Variants in PARP14 observed in about 807,000 individuals in gnomAD.
The protein encoded by PARP14 is poly(ADP-ribose) polymerase family member 14.
In PARP14, 59 loss-of-function variants were observed where a neutral mutation model predicts 154.2. The ratio of observed to expected loss-of-function variants is 0.38; its 90% confidence interval spans 0.31 to 0.48. The LOEUF (loss-of-function observed/expected upper bound fraction) is 0.48, where lower values mean the gene tolerates loss of function less well. Among genes scored for constraint, PARP14 ranks in the 20% least tolerant of loss-of-function variants. The probability of loss-of-function intolerance (pLI) is 0.98; values close to 1 mark genes in which losing one functional copy is unlikely to be tolerated. For missense variants in PARP14, 1,734 were observed against 2,131.6 expected, an observed-to-expected ratio of 0.81 and a Z score of 3.67; for synonymous variants, 720 against 780.5, an observed-to-expected ratio of 0.92 and a Z score of 1.29.
chr3:122,683,382 T>G (rs1290322515), intron 1 of PARP14: 5 of 510,216 alleles, frequency 9.8e-6, no homozygotes, highest in African/African-American at 6.2e-5. Flanking sequence ...CCACCAGCAC[T>G]TCTCCGTATT....
intron 12 of PARP14, among the ~76,000 whole-genome samples, chr3:122,717,527 T>C (rs996520156): frequency 2.0e-5 from 3 of 152,176 alleles, no homozygotes; most frequent in Admixed American, 6.5e-5. Flanking sequence ...TTATAGATTA[T>C]AACAAATAGC....
intron 8 of PARP14, among the ~76,000 whole-genome samples, chr3:122,706,570 T>A (rs1465136272): frequency 6.6e-6 from 1 of 152,190 alleles, no homozygotes; most frequent in Non-Finnish European, 1.5e-5. Flanking sequence ...AAGTTTTCCA[T>A]GGCTGAGTGG....
At chr3:122,685,356 T>G (rs956522553) in intron 2 of PARP14, 38 bp downstream of exon 2, 3 of 1,594,064 alleles carry the variant, frequency 1.9e-6, no homozygotes, top group Non-Finnish European at 2.6e-6. Context: ...GGGATTTAGG[T>G]CTCCCAAGGT....
intron 6 of PARP14, among the ~76,000 whole-genome samples, chr3:122,702,479 CA>C (rs1939009684): frequency 6.6e-6 from 1 of 152,214 alleles, no homozygotes; most frequent in Admixed American, 6.5e-5. Flanking sequence ...TTCAGCCTCC[CA>C]AAGTGCTGGG....
At chr3:122,697,315 G>A (rs1195649520) in intron 5 of PARP14, among the ~76,000 whole-genome samples, 1 of 152,206 alleles carries the variant, frequency 6.6e-6, no homozygotes, top group African/African-American at 2.4e-5. Flanking sequence ...ATTACCAAGT[G>A]CATTCAGACA....
At chr3:122,712,887 G>A (rs1362013116) in intron 9 of PARP14, among the ~76,000 whole-genome samples, 3 of 152,128 alleles carry the variant, frequency 2.0e-5, no homozygotes, top group Non-Finnish European at 2.9e-5. Flanking sequence ...TATCCTTAAG[G>A]GTTGATCAAA....
In PARP14 at chr3:122,681,169, C is replaced by A. The variant is rs1938193171; in HGVS notation, c.187+99C>A. ...CACGGGAGGGTGACCCGCCCGACTT[C>A]GGCGGCTGCTGTAGCGGAGGTGGCC... On this transcript the variant is annotated intron_variant, in intron 1 of 16. Coordinates refer to ENST00000474629, the MANE Select transcript of PARP14 (RefSeq NM_017554.3). This position sits in a 1 kb window ranked among gnomAD's most constrained non-coding sequence, Gnocchi z 5.5. 1 of 284,788 alleles carries A rather than the reference C, an allele frequency of 3.5e-6. No individual in the cohort carries two copies. The highest frequency in any genetic ancestry group is 6.2e-6 in the Non-Finnish European group (1 of 160,956). The allele number at this position is 284,788 out of a possible 1,614,324, so 17.6% of individuals were successfully genotyped here.
chr3:122,712,938 G>A (rs1294647796), intron 9 of PARP14, among the ~76,000 whole-genome samples: 1 of 152,164 alleles, frequency 6.6e-6, no homozygotes, highest in African/African-American at 2.4e-5. Flanking sequence ...TTGGAATACA[G>A]ACTTGACATT....
At chr3:122,713,639 C>T in intron 10 of PARP14, 66 bp downstream of exon 10, 1 of 1,445,664 alleles carries the variant, frequency 6.9e-7, no homozygotes, top group Non-Finnish European at 9.5e-7. Flanking sequence ...GTTTCTATAG[C>T]CAAACTGGTT....
At chr3:122,721,515 T>C (rs1966594) in intron 15 of PARP14, 146,229 of 152,652 alleles carry the variant, frequency 0.96, 70,065 homozygotes, top group East Asian at 0.98. Flanking sequence ...TGAACATGGG[T>C]GGCAGAGATT....
chr3:122,704,507 A>ATT lies in PARP14; in HGVS notation c.3319-19_3319-18insTT. ...CCATTTCTAGACAAGATGTATAAGG[A>ATT]TGTGCTTTGTGCGTTTCAGATAATG... is the stretch of plus-strand genomic sequence containing the variant. On this transcript the variant is annotated intron_variant, in intron 7 of 16. Coordinates refer to ENST00000474629, the MANE Select transcript of PARP14 (RefSeq NM_017554.3). The ATT allele has an allele frequency of 2.7e-6, 4 of 1,455,236 alleles. No individual in the cohort carries two copies. The highest frequency in any genetic ancestry group is 3.8e-6 in the Non-Finnish European group (4 of 1,045,828). 90.1% of individuals were successfully genotyped at this position (1,455,236 alleles called of 1,614,324 possible).
intron 8 of PARP14, among the ~76,000 whole-genome samples, chr3:122,706,614 A>AC (rs1233859957): frequency 6.6e-6 from 1 of 152,124 alleles, no homozygotes; most frequent in Non-Finnish European, 1.5e-5. Flanking sequence ...GTCAAATCAG[A>AC]CCACCTTTAC....
intron 7 of PARP14, 40 bp downstream of exon 7, chr3:122,704,018 C>A: frequency 7.2e-7 from 1 of 1,391,280 alleles, no homozygotes; most frequent in Non-Finnish European, 1.0e-6. Flanking sequence ...GTTGGGTAGC[C>A]CTTTGGGTTC....
Position 122,695,465 on chromosome 3 carries a change from C to T in PARP14, c.638C>T (p.Ser213Leu). ...GTTGATGATTGTACCAAGCACCATT[C>T]AATTAAACAACTTCAGCTTTCTCCA... Reference protein sequence around the residue: ...RFVDDCTKHHSIKQLQLSPRL... With the variant: ...RFVDDCTKHHLIKQLQLSPRL... The change falls in exon 5 of 17, where the codon TCA becomes TTA. Residue 213 changes from serine (S) to leucine (L), a missense_variant. Physicochemically the swap from Ser to Leu is moderately radical, Grantham distance 145. Around this residue, in one of 2 missense-constraint regions of PARP14, gnomAD observed 1,646 missense variants for 1,976.0 expected, o/e 0.83. Transcript: ENST00000474629. The T allele has an allele frequency of 6.2e-7, 1 of 1,602,302 alleles. No homozygotes were observed. Among genetic ancestry groups the T allele is most frequent in the Non-Finnish European group, 8.5e-7 (1 of 1,172,016 alleles).
intron 15 of PARP14, among the ~76,000 whole-genome samples, chr3:122,725,157 T>A (rs1030363423): frequency 6.6e-6 from 1 of 152,160 alleles, no homozygotes; most frequent in Admixed American, 6.5e-5. Flanking sequence ...ATGGTCGCTG[T>A]CTCTTCGGAG....
chr3:122,706,844 G>C (rs115034203), intron 8 of PARP14, among the ~76,000 whole-genome samples: 4,897 of 151,916 alleles, frequency 0.032, 112 homozygotes, highest in Middle Eastern at 0.078. Context: ...AAATTCACAG[G>C]TTTATTAACA....
rs564866195 is a variant in PARP14 at position 122,698,064 on chromosome 3, G to T, written c.836-1326G>T. Among the ~76,000 whole-genome samples, 7 of 152,320 alleles carry T rather than the reference G, an allele frequency of 4.6e-5. No individual in the cohort carries two copies. The East Asian group carries it at 1.3e-3, about 29-fold the overall frequency. ...ATGAAATAATACCAGCAAAGAGCCT[G>T]GTGCCTGATGGTGCTCAGTAAGTTG... On this transcript the variant is annotated intron_variant, in intron 5 of 16. Transcript: ENST00000474629.
intron 6 of PARP14, 96 bp from the exon 7 acceptor site, chr3:122,703,646 T>C: frequency 1.5e-6 from 1 of 658,922 alleles, no homozygotes; most frequent in South Asian, 2.0e-5. Flanking sequence ...ATCTTAGTTG[T>C]CTCCAATTGT....
At chr3:122,698,400 GC>G (rs1314351576) in intron 5 of PARP14, among the ~76,000 whole-genome samples, 1 of 152,206 alleles carries the variant, frequency 6.6e-6, no homozygotes, top group African/African-American at 2.4e-5. Context: ...GCATGCACAT[GC>G]ACACACATGC....
Sources: gnomAD v4.1 joint callset for allele counts (sites outside exome capture counted in the v4.1 genomes callset) on GRCh38, gnomAD v4.1.1 for gene constraint, gnomAD v4.1.1 regional missense constraint, Gnocchi (gnomAD v3.1) non-coding constraint, MANE v1.5 for transcripts, NCBI Gene and HGNC (gene_info 2026-07-23, HGNC 2026-07-21) for gene names.